The following SORT1 variants were observed in gnomAD, a reference collection of about 807,000 sequenced individuals.
The protein encoded by SORT1 is sortilin.
In SORT1, 39 loss-of-function variants were observed where a neutral mutation model predicts 101.7. The observed-to-expected ratio is 0.38, with a 90% CI of 0.30 to 0.50. SORT1 has a LOEUF of 0.50. SORT1 is among the 20% of genes least tolerant of loss of function. SORT1 has a pLI of 0.90. For missense variants in SORT1, 878 were observed against 1,040.4 expected, an observed-to-expected ratio of 0.84 and a Z score of 2.15; for synonymous variants, 396 against 393.7, an observed-to-expected ratio of 1.01 and a Z score of -0.07.
At chr1:109,330,043 C>T (rs1172144297) in intron 11 of SORT1, among the ~76,000 whole-genome samples, 2 of 152,204 alleles carry the variant, frequency 1.3e-5, no homozygotes, top group Non-Finnish European at 2.9e-5. Flanking sequence ...ACTCTGTCAC[C>T]TGGGCTGGAG....
Position 109,369,566 on chromosome 1 carries a change from G to T in SORT1, c.330C>A (p.Gly110=). 6.2e-7 allele frequency: 1 copy of T among 1,609,614 alleles called. No homozygotes were observed. Among genetic ancestry groups the T allele is most frequent in the Non-Finnish European group, 8.5e-7 (1 of 1,175,978 alleles). The part of the protein sequence containing the change: ...THQHVFDDLR[G]SVSLSWVGDS... ...CTCCAACCCAGGACAAGGATACTGA[G>T]CCTCTGAGATCATCAAACACATGCT... is the stretch of plus-strand genomic sequence containing the variant. Residue 110 remains glycine, a synonymous_variant, in exon 2 of 20, where the codon GGC becomes GGA. Transcript: ENST00000256637.
chr1:109,383,334 C>T (rs1652378062), intron 1 of SORT1, among the ~76,000 whole-genome samples: 1 of 152,074 alleles, frequency 6.6e-6, no homozygotes, highest in African/African-American at 2.4e-5. Flanking sequence ...TGTCTGCATG[C>T]CTACCATGTG....
intron 15 of SORT1, among the ~76,000 whole-genome samples, chr1:109,319,307 G>A (rs1460438264): frequency 6.6e-6 from 1 of 151,980 alleles, no homozygotes; most frequent in Non-Finnish European, 1.5e-5. Context: ...CAATCTCCAG[G>A]GCTGACTCCA....
intron 1 of SORT1, chr1:109,393,051 G>T (rs1339663393): frequency 1.5e-5 from 15 of 985,292 alleles, no homozygotes; most frequent in African/African-American, 1.7e-5. Flanking sequence ...GTGTTACAAA[G>T]GTCTGGCGAT....
intron 13 of SORT1, among the ~76,000 whole-genome samples, chr1:109,326,110 T>G (rs1053644867): frequency 6.7e-6 from 1 of 149,360 alleles, no homozygotes; most frequent in South Asian, 2.1e-4. Flanking sequence ...TGGAGTGCAG[T>G]GGTACGATCT....
At chr1:109,386,763 C>T (rs963292507) in intron 1 of SORT1, among the ~76,000 whole-genome samples, 11 of 152,072 alleles carry the variant, frequency 7.2e-5, no homozygotes, top group Non-Finnish European at 1.5e-4. Flanking sequence ...CATTCTGGTC[C>T]GCTATTCTTT....
chr1:109,321,665 G>A (rs1292510789), intron 15 of SORT1, among the ~76,000 whole-genome samples: 2 of 152,108 alleles, frequency 1.3e-5, no homozygotes, highest in Admixed American at 6.5e-5. Flanking sequence ...TGTCACCTGC[G>A]ATTTGAGAGA....
intron 1 of SORT1, among the ~76,000 whole-genome samples, chr1:109,375,417 C>T (rs1651763007): frequency 6.6e-6 from 1 of 151,804 alleles, no homozygotes; most frequent in South Asian, 2.1e-4. Context: ...GTGGCGGGCG[C>T]CTGTAGTACC....
chr1:109,343,097 T>TG (rs1252432653), intron 8 of SORT1, among the ~76,000 whole-genome samples: 1 of 152,180 alleles, frequency 6.6e-6, no homozygotes, highest in Non-Finnish European at 1.5e-5. Flanking sequence ...CTCTGGAATT[T>TG]GAGTCTGATT....
At position 109,313,776 on chromosome 1, in the gene SORT1, C is replaced by G. The variant is rs1175093721; in HGVS notation, c.*267G>C. On this transcript the variant is annotated 3_prime_UTR_variant, in exon 20 of 20. Coordinates refer to ENST00000256637, the MANE Select transcript of SORT1 (RefSeq NM_002959.7). The stretch of plus-strand genomic sequence containing the variant: ...AAAAACAAAAACAAAAAAGCCCATA[C>G]TTTGCAAAGAGACAGGACGAGAAAT... The G allele has an allele frequency of 5.8e-6, 3 of 517,106 alleles. No homozygotes were observed. The African/African-American group carries it at 5.8e-5, about 10-fold the overall frequency. The allele number at this position is 517,106 out of a possible 1,614,324, so 32.0% of individuals were successfully genotyped here.
Position 109,397,776 on chromosome 1 carries a change from C to A in SORT1, c.117G>T (p.Ala39=). ...GCAGCGGCGCAGCGGGCGGCGGCGG[C>A]GCGTCCAGCCGGTCCTGGCTGAGGG... ...PSTLSQDRLD[A]PPPPAAPLPR... The change falls in exon 1 of 20, where the codon GCG becomes GCT. Residue 39 remains alanine, a synonymous_variant. Transcript: ENST00000256637. The A allele has an allele frequency of 8.2e-7, 1 of 1,217,396 alleles. No homozygotes were observed. The highest frequency in any genetic ancestry group is 1.0e-6 in the Non-Finnish European group (1 of 975,934). 75.4% of individuals were successfully genotyped at this position (1,217,396 alleles called of 1,614,324 possible).
intron 3 of SORT1, among the ~76,000 whole-genome samples, chr1:109,357,271 T>C (rs747443953): frequency 6.6e-6 from 1 of 152,232 alleles, no homozygotes; most frequent in Non-Finnish European, 1.5e-5. Context: ...TGCACAATAA[T>C]GAAATCACCT....
At chr1:109,364,178 T>A (rs1313193040) in intron 3 of SORT1, among the ~76,000 whole-genome samples, 1 of 152,148 alleles carries the variant, frequency 6.6e-6, no homozygotes, top group Non-Finnish European at 1.5e-5. Context: ...TCTAGTAAAG[T>A]ATGTCAGGAA....
At chr1:109,330,701 A>C (rs1445821929) in intron 11 of SORT1, among the ~76,000 whole-genome samples, 1 of 152,062 alleles carries the variant, frequency 6.6e-6, no homozygotes, top group Non-Finnish European at 1.5e-5. Flanking sequence ...TTTTTTGACA[A>C]GATAAAAAAG....
intron 4 of SORT1, 88 bp downstream of exon 4, chr1:109,355,279 G>C: frequency 1.3e-6 from 1 of 751,932 alleles, no homozygotes; most frequent in Non-Finnish European, 2.4e-6. Context: ...ACATTACTGT[G>C]AATCACTGGA....
In SORT1 at chr1:109,313,731, AT is replaced by A. The variant is rs1658858735; in HGVS notation, c.*311del. ...GGGGTTAGTGAAAAGGTCCCTTCGA[AT>A]TCCATTTCGTTTCCCTTAAAAAACA... On this transcript the variant is annotated 3_prime_UTR_variant, in exon 20 of 20. Transcript: ENST00000256637. The A allele has an allele frequency of 2.5e-6, 1 of 403,162 alleles. No homozygotes were observed. Among genetic ancestry groups the A allele is most frequent in the African/African-American group, 2.1e-5 (1 of 47,806 alleles). 25.0% of individuals were successfully genotyped at this position (403,162 alleles called of 1,614,324 possible).
intron 1 of SORT1, among the ~76,000 whole-genome samples, chr1:109,381,049 A>G (rs1480794554): frequency 1.3e-5 from 2 of 152,140 alleles, no homozygotes; most frequent in Non-Finnish European, 2.9e-5. Context: ...ACCTTCTTCT[A>G]CGGTGGGTGG....
intron 17 of SORT1, among the ~76,000 whole-genome samples, chr1:109,315,457 G>A (rs1387880520): frequency 6.6e-6 from 1 of 151,936 alleles, no homozygotes; most frequent in East Asian, 1.9e-4. Flanking sequence ...GGACAAGGGT[G>A]CACAGAAGGA....
Position 109,355,407 on chromosome 1 carries a change from G to T in SORT1, c.503C>A (p.Thr168Asn). ...AGGACCAATAGCCATGCCAAATTCA[G>T]TCCGAATAAAGGTGTTATTGATGAG... ...TDLINNTFIR[T>N]EFGMAIGPEN... The change falls in exon 4 of 20, where the codon ACT becomes AAT. Residue 168 changes from threonine (T) to asparagine (N), a missense_variant. Around this residue, in one of 2 missense-constraint regions of SORT1, gnomAD observed 684 missense variants for 894.5 expected, o/e 0.76. Transcript: ENST00000256637. 3 of 1,604,400 alleles carry T rather than the reference G, an allele frequency of 1.9e-6. No homozygotes were observed. Among genetic ancestry groups the T allele is most frequent in the Non-Finnish European group, 8.5e-7 (1 of 1,171,262 alleles).
Sources: gnomAD v4.1 joint callset for allele counts (sites outside exome capture counted in the v4.1 genomes callset) on GRCh38, gnomAD v4.1.1 for gene constraint, gnomAD v4.1.1 regional missense constraint, MANE v1.5 for transcripts, NCBI Gene and HGNC (gene_info 2026-07-23, HGNC 2026-07-21) for gene names.